Variants in ZNF540 observed in about 807,000 individuals in gnomAD.
The protein encoded by ZNF540 is zinc finger protein 540, also known as CTD-3064H18.6.
ZNF540 carries 3 observed loss-of-function variants against 11.8 expected under a neutral mutation model. The observed-to-expected ratio is 0.25, with a 90% CI of 0.12 to 0.65. ZNF540 has a LOEUF of 0.65. ZNF540 is among the 30% of genes least tolerant of loss of function. The pLI, the probability that ZNF540 is intolerant of heterozygous loss-of-function variation, is 0.83. For synonymous variants in ZNF540, 247 were observed against 259.0 expected, an observed-to-expected ratio of 0.95 and a Z score of 0.45; for missense variants, 709 against 793.1, an observed-to-expected ratio of 0.89 and a Z score of 1.27.
chr19:37,593,115 CTTATTG>C (rs1293255457), upstream of ZNF540, among the ~76,000 whole-genome samples: 24 of 151,388 alleles, frequency 1.6e-4, no homozygotes, highest in East Asian at 4.5e-3. Flanking sequence ...TTGTTTTAAA[CTTATTG>C]TTAGTTTTTT....
intron 1 of ZNF540, chr19:37,556,065 G>A (rs10420552): frequency 0.24 from 170,337 of 702,506 alleles, 25,717 homozygotes; most frequent in East Asian, 0.66. Context: ...TCCACATCCA[G>A]TTTGGCTCCT....
At chr19:37,602,521 G>A (rs1046477796) in intron 4 of ZNF540, among the ~76,000 whole-genome samples, 3 of 152,136 alleles carry the variant, frequency 2.0e-5, no homozygotes, top group South Asian at 2.1e-4. Context: ...CATATGGCTC[G>A]CAGTGCATAA....
chr19:37,610,024 G>T (rs1308454705), intron 4 of ZNF540, among the ~76,000 whole-genome samples: 3 of 152,182 alleles, frequency 2.0e-5, no homozygotes, highest in Non-Finnish European at 4.4e-5. Context: ...TTTAAAGGAT[G>T]AGTAGGCAAA....
At chr19:37,596,993 A>C (rs888990657) in intron 1 of ZNF540, among the ~76,000 whole-genome samples, 1 of 152,228 alleles carries the variant, frequency 6.6e-6, no homozygotes, top group Admixed American at 6.5e-5. Context: ...CAGTTGAAAA[A>C]GAACTGGCTT....
chr19:37,599,681 G>A lies in ZNF540; in HGVS notation c.65G>A (p.Cys22Tyr), dbSNP rs2044024201. The stretch of plus-strand genomic sequence containing the variant: ...GACTTCTCTCAGAAGGAATGGGAGT[G>A]CCTGGACACTACCCAGAGGAAATTG... ...AIDFSQKEWE[C>Y]LDTTQRKLYR... Residue 22 changes from cysteine to tyrosine, a missense_variant, in exon 3 of 5, where the codon TGC (cysteine) becomes TAC (tyrosine). By Grantham distance (194) the Cys-to-Tyr change is radical. Transcript: ENST00000316433. 8 of 1,613,764 alleles carry A rather than the reference G, an allele frequency of 5.0e-6. No individual in the cohort carries two copies. Among genetic ancestry groups the A allele is most frequent in the African/African-American group, 1.3e-5 (1 of 75,014 alleles).
Position 37,612,156 on chromosome 19 carries a change from T to A in ZNF540, c.876T>A (p.Ile292=), listed in dbSNP as rs1321338949. The A allele has an allele frequency of 6.2e-6, 10 of 1,611,642 alleles. No homozygotes were observed. The highest frequency in any genetic ancestry group is 8.5e-6 in the Non-Finnish European group (10 of 1,179,698). The change falls in exon 5 of 5, where the codon ATT becomes ATA. Residue 292 remains isoleucine, a synonymous_variant. Coordinates refer to ENST00000316433, the MANE Select transcript of ZNF540 (RefSeq NM_001172225.3). ...SRLELTQHKR[I]HTGKKSYECK... ...TAGAACTTACTCAACATAAAAGAAT[T>A]CATACTGGTAAGAAATCTTATGAAT... is the stretch of plus-strand genomic sequence containing the variant.
At chr19:37,593,698 G>A (rs2060721255), upstream of ZNF540, among the ~76,000 whole-genome samples, 3 of 152,110 alleles carry the variant, frequency 2.0e-5, no homozygotes. Flanking sequence ...GCGAGAATCC[G>A]TCTCAAAAAG....
chr19:37,605,069 C>CTAT (rs887466288), intron 4 of ZNF540, among the ~76,000 whole-genome samples: 6 of 152,162 alleles, frequency 3.9e-5, no homozygotes, highest in Admixed American at 3.9e-4. Context: ...ATGAATAAAG[C>CTAT]TATTATGAGT....
upstream of ZNF540, among the ~76,000 whole-genome samples, chr19:37,592,747 TCTAA>T (rs1165314377): frequency 6.6e-6 from 1 of 152,204 alleles, no homozygotes; most frequent in East Asian, 1.9e-4. Flanking sequence ...AACCTCTAGA[TCTAA>T]CTGCCTGTTT....
intron 1 of ZNF540, chr19:37,575,945 A>G (rs2043228019): frequency 6.6e-6 from 1 of 152,146 alleles, no homozygotes; most frequent in Non-Finnish European, 1.5e-5. Flanking sequence ...CACAATCTCA[A>G]GCTATTGTAG....
At chr19:37,598,078 C>A (rs1056791273) in intron 1 of ZNF540, among the ~76,000 whole-genome samples, 1 of 152,200 alleles carries the variant, frequency 6.6e-6, no homozygotes, top group Non-Finnish European at 1.5e-5. Flanking sequence ...CTACTCTGGG[C>A]AATTCTGAAC....
chr19:37,566,383 T>C (rs2042860777), intron 1 of ZNF540: 1 of 1,412,686 alleles, frequency 7.1e-7, no homozygotes, highest in Non-Finnish European at 9.5e-7. Context: ...ATAATTCTCA[T>C]TAAGAATAGA....
At position 37,599,689 on chromosome 19, in the gene ZNF540, A is replaced by G. The variant is rs1224052427; in HGVS notation, c.73A>G (p.Thr25Ala). 1.9e-6 allele frequency: 3 copies of G among 1,613,818 alleles called. No homozygotes were observed. The highest frequency in any genetic ancestry group is 3.3e-5 in the Admixed American group (2 of 60,010). The change falls in exon 3 of 5, where the codon ACT (threonine) becomes GCT (alanine). Residue 25 changes from threonine to alanine, a missense_variant. Coordinates refer to ENST00000316433, the MANE Select transcript of ZNF540 (RefSeq NM_001172225.3). ...TCAGAAGGAATGGGAGTGCCTGGAC[A>G]CTACCCAGAGGAAATTGTACAGAGA... ...FSQKEWECLD[T>A]TQRKLYRDVM...
At chr19:37,556,293 A>T in intron 1 of ZNF540, 1 of 600,420 alleles carries the variant, frequency 1.7e-6, no homozygotes, top group Non-Finnish European at 3.0e-6. Flanking sequence ...CGCAAAGGAC[A>T]TAACAGGCAA....
At chr19:37,589,901 G>C (rs911723638), upstream of ZNF540, among the ~76,000 whole-genome samples, 95 of 123,832 alleles carry the variant, frequency 7.7e-4, no homozygotes, top group Middle Eastern at 5.3e-3. Flanking sequence ...CACTTGAATT[G>C]AATCATGAGG....
chr19:37,611,989 C>T lies in ZNF540; in HGVS notation c.709C>T (p.His237Tyr). The change falls in exon 5 of 5, where the codon CAT becomes TAT. Residue 237 changes from histidine (H) to tyrosine (Y), a missense_variant. His to Tyr is a moderately conservative substitution (Grantham distance 83). Coordinates refer to ENST00000316433, the MANE Select transcript of ZNF540 (RefSeq NM_001172225.3). ...SYQLTLHQRFHTGEKPYECQE... is the reference protein window; with the variant it reads ...SYQLTLHQRFYTGEKPYECQE... Reference sequence around the variant, plus strand: ...TCAACTTACTCTGCATCAGAGATTTCATACTGGTGAGAAACCCTATGAATG... The same window carrying T: ...TCAACTTACTCTGCATCAGAGATTTTATACTGGTGAGAAACCCTATGAATG... 1.9e-6 allele frequency: 3 copies of T among 1,613,710 alleles called. No homozygotes were observed. Among genetic ancestry groups the T allele is most frequent in the Non-Finnish European group, 2.5e-6 (3 of 1,179,960 alleles).
At chr19:37,584,195 C>T (rs772249411) in intron 1 of ZNF540, 4 of 1,564,320 alleles carry the variant, frequency 2.6e-6, no homozygotes, top group Non-Finnish European at 3.5e-6. Flanking sequence ...GCAAGTAACA[C>T]AAAACAACAG....
chr19:37,604,296 CTTT>C (rs769163050), intron 4 of ZNF540, among the ~76,000 whole-genome samples: 243 of 75,168 alleles, frequency 3.2e-3, no homozygotes, highest in Admixed American at 4.3e-3. Flanking sequence ...AATAGCCTTA[CTTT>C]TTTTTTTTTT....
intron 1 of ZNF540, chr19:37,566,105 A>G: frequency 1.2e-6 from 2 of 1,614,042 alleles, no homozygotes; most frequent in Non-Finnish European, 1.7e-6. Context: ...TTTGACACAC[A>G]TGTAAAGCCC....
Sources: allele counts gnomAD v4.1 joint callset (sites outside exome capture counted in the v4.1 genomes callset), GRCh38; gene constraint gnomAD v4.1.1; transcripts MANE v1.5; gene names NCBI Gene and HGNC (gene_info 2026-07-23, HGNC 2026-07-21).